The following TSKS variants were observed in gnomAD, a reference collection of about 807,000 sequenced individuals.
TSKS encodes the protein testis-specific serine kinase substrate.
A neutral mutation model predicts 68.0 loss-of-function variants in TSKS; 27 were observed. The ratio of observed to expected loss-of-function variants is 0.40; its 90% CI spans 0.29 to 0.55. The LOEUF is 0.55. Among genes scored for constraint, TSKS ranks in the 20% least tolerant of loss-of-function variants. The pLI is 0.53. For missense variants in TSKS, 806 were observed against 776.0 expected (o/e 1.04, Z -0.46); for synonymous variants, 331 against 340.4 (o/e 0.97, Z 0.30).
chr19:49,756,743 C>T (rs901358029), intron 2 of TSKS, among the ~76,000 whole-genome samples: 63 of 152,248 alleles, frequency 4.1e-4, no homozygotes, highest in African/African-American at 1.5e-3. Context: ...ATGAGCTGGA[C>T]TTGGTGACTC....
chr19:49,741,427 C>T (rs1223398709), intron 9 of TSKS, among the ~76,000 whole-genome samples: 1 of 152,164 alleles, frequency 6.6e-6, no homozygotes, highest in Non-Finnish European at 1.5e-5. Context: ...GTGCAATGCC[C>T]CAGGAAGAGC....
At position 49,761,989 on chromosome 19, in the gene TSKS, G is replaced by GT; in HGVS notation, c.399+14dup. On this transcript the variant is annotated intron_variant, in intron 2 of 10. Coordinates refer to ENST00000246801, the MANE Select transcript of TSKS (RefSeq NM_021733.2). ...ACCTCGGTCCTCCCCAGCGGGTGGT[G>GT]TGGAGGGCCCTCACCAGGATTTCCG... 6.2e-7 allele frequency: 1 copy of GT among 1,603,036 alleles called. No homozygotes were observed. Among genetic ancestry groups the GT allele is most frequent in the African/African-American group, 1.3e-5 (1 of 74,842 alleles).
At position 49,763,079 on chromosome 19, in the gene TSKS, C is replaced by G. The variant is rs769681341; in HGVS notation, c.169G>C (p.Gly57Arg). The change falls in exon 1 of 11, where the codon GGG becomes CGG. Residue 57 changes from glycine (G) to arginine (R), a missense_variant and splice_region_variant. Gly to Arg is a moderately radical substitution (Grantham distance 125). Coordinates refer to ENST00000246801, the MANE Select transcript of TSKS (RefSeq NM_021733.2). The surrounding 1 kb of genome is among the most constrained non-coding windows in gnomAD (Gnocchi z 4.5). ...CCTGACAGTGTGCAACAAACCCACC[C>G]GTGGAACGACACGGCCTTCTTTTTC... ...PKKKKAVSFH[G>R]VEPQMSHQPM... The G allele has an allele frequency of 1.9e-6, 3 of 1,611,182 alleles. No homozygotes were observed. The highest frequency in any genetic ancestry group is 1.7e-5 in the Admixed American group (1 of 59,724).
chr19:49,762,627 C>G lies in TSKS; in HGVS notation c.171-395G>C, dbSNP rs142281658. Among the ~76,000 whole-genome samples the G allele has an allele frequency of 7.8e-3, 1,193 of 152,164 alleles. 13 individuals are homozygous for G. Among genetic ancestry groups the G allele is most frequent in the African/African-American group, 0.027 (1,103 of 41,512 alleles). On this transcript the variant is annotated intron_variant, in intron 1 of 10. Transcript: ENST00000246801. ...TATTTTTAGTAGAGATGGCTTTTCA[C>G]CATGTTGGCCAAGCTGGTTTTGAAC...
In TSKS at chr19:49,762,036, C is replaced by A; in HGVS notation, c.367G>T (p.Asp123Tyr). The change falls in exon 2 of 11, where the codon GAT (aspartate) becomes TAT (tyrosine). Residue 123 changes from aspartate (D) to tyrosine (Y), a missense_variant. Transcript: ENST00000246801. ...TCCGTGATGTCTGCGTCATCCGGAT[C>A]CCAGGGTAGGGTAGGGGAGGCAGGG... ...GPPASPTLPW[D>Y]PDDADITEIL... The A allele has an allele frequency of 1.2e-6, 2 of 1,614,018 alleles. No individual in the cohort carries two copies. Among genetic ancestry groups the A allele is most frequent in the Admixed American group, 1.7e-5 (1 of 60,012 alleles).
Position 49,744,220 on chromosome 19 carries a change from AG to A in TSKS, c.1361+10del. The A allele has an allele frequency of 6.2e-7, 1 of 1,607,932 alleles. No homozygotes were observed. Among genetic ancestry groups the A allele is most frequent in the South Asian group, 1.1e-5 (1 of 91,002 alleles). ...CCACAAGGCTCCCAGAGGCAAGCCC[AG>A]CCCCGTTACCTGGCACAGCGGGCAC... On this transcript the variant is annotated intron_variant, in intron 8 of 10. Transcript: ENST00000246801.
chr19:49,746,465 C>T lies in TSKS; in HGVS notation c.992+5G>A. The T allele has an allele frequency of 6.2e-7, 1 of 1,613,818 alleles. No individual in the cohort carries two copies. The highest frequency in any genetic ancestry group is 8.5e-7 in the Non-Finnish European group (1 of 1,179,888). ...TTCGAGGCTCCGCCCCTAGGTCCCG[C>T]CCACCTCAGCTCTTCGATGCCGGTG... On this transcript the variant is annotated splice_donor_5th_base_variant and intron_variant, in intron 6 of 10. Coordinates refer to ENST00000246801, the MANE Select transcript of TSKS (RefSeq NM_021733.2).
intron 2 of TSKS, among the ~76,000 whole-genome samples, chr19:49,758,926 C>T (rs987396324): frequency 1.3e-5 from 2 of 151,512 alleles, no homozygotes; most frequent in African/African-American, 2.4e-5. Flanking sequence ...GGCACGATTT[C>T]GGTTCACTGC....
Position 49,760,014 on chromosome 19 carries a change from G to A in TSKS, c.399+1990C>T, listed in dbSNP as rs890642604. Among the ~76,000 whole-genome samples the A allele has an allele frequency of 1.3e-4, 19 of 151,746 alleles. No homozygotes were observed. The South Asian group carries it at 3.1e-3, about 25-fold the overall frequency. On this transcript the variant is annotated intron_variant, in intron 2 of 10. Coordinates refer to ENST00000246801, the MANE Select transcript of TSKS (RefSeq NM_021733.2). Reference sequence around the variant, plus strand: ...CTAAAAATACAAAAATTAGTCAGGTGTGGTGGCGCTCTTGTAATCCCAGCT... The same window carrying A: ...CTAAAAATACAAAAATTAGTCAGGTATGGTGGCGCTCTTGTAATCCCAGCT...
intron 2 of TSKS, among the ~76,000 whole-genome samples, chr19:49,752,707 A>G (rs1477931550): frequency 6.6e-6 from 1 of 152,228 alleles, no homozygotes; most frequent in African/African-American, 2.4e-5. Context: ...TAAACAATAA[A>G]AAGCAAAAAA....
At position 49,739,966 on chromosome 19, in the gene TSKS, T is replaced by G. The variant is rs760524948; in HGVS notation, c.1623-34A>C. 2.5e-6 allele frequency: 4 copies of G among 1,608,120 alleles called. No individual in the cohort carries two copies. In the South Asian group the frequency reaches 4.4e-5, roughly 18 times the overall value. ...AGGCAGCGGGGAGTTGATGGCGGCA[T>G]GGCTAGGTGCTGGGGTGTTGGAGTG... is the stretch of plus-strand genomic sequence containing the variant. On this transcript the variant is annotated intron_variant, in intron 10 of 10. Transcript: ENST00000246801.
intron 2 of TSKS, among the ~76,000 whole-genome samples, chr19:49,760,406 C>T (rs147094319): frequency 0.016 from 2,480 of 151,802 alleles, 85 homozygotes; most frequent in African/African-American, 0.056. Flanking sequence ...CTGCAACCTC[C>T]GCCTCCCGGG....
rs1439231116 is a variant in TSKS at position 49,745,405 on chromosome 19, G to A, written c.993-9C>T. 1 of 1,531,388 alleles carries A rather than the reference G, an allele frequency of 6.5e-7. No homozygotes were observed. Among genetic ancestry groups the A allele is most frequent in the East Asian group, 2.4e-5 (1 of 41,826 alleles). 94.9% of individuals were successfully genotyped at this position (1,531,388 alleles called of 1,614,324 possible). ...GTGAGGACACCTCTCTCCTGGAGGG[G>A]CAGAGGAGGGGAATGGGTAGGGGCT... On this transcript the variant is annotated splice_polypyrimidine_tract_variant and intron_variant, in intron 6 of 10. Coordinates refer to ENST00000246801, the MANE Select transcript of TSKS (RefSeq NM_021733.2).
intron 2 of TSKS, among the ~76,000 whole-genome samples, chr19:49,748,862 T>A (rs761028020): frequency 5.3e-5 from 8 of 151,068 alleles, no homozygotes; most frequent in Non-Finnish European, 1.2e-4. Flanking sequence ...AGGTCAGGAG[T>A]TCAAGACCAA....
chr19:49,746,992 C>T (rs908833722), intron 5 of TSKS, among the ~76,000 whole-genome samples, 194 bp from the exon 6 acceptor site: 1 of 152,246 alleles, frequency 6.6e-6, no homozygotes, highest in African/African-American at 2.4e-5. Flanking sequence ...CCAATTCCCG[C>T]TAACCTCCCA....
At position 49,763,273 on chromosome 19, in the gene TSKS, G is replaced by A. The variant is rs2084459974; in HGVS notation, c.-26C>T. 2 of 1,473,998 alleles carry A rather than the reference G, an allele frequency of 1.4e-6. No individual in the cohort carries two copies. The highest frequency in any genetic ancestry group is 1.8e-6 in the Non-Finnish European group (2 of 1,116,178). 91.3% of individuals were successfully genotyped at this position (1,473,998 alleles called of 1,614,324 possible). A position where few individuals can be genotyped will look rare whatever the true frequency, so the allele number is the denominator to read the frequency against. ...GGTGTGGGGGTCTGGCTCCCAGGGA[G>A]GGGCTCCTTCCTCTGAGACTTCCTA... On this transcript the variant is annotated 5_prime_UTR_variant, in exon 1 of 11. Transcript: ENST00000246801. The surrounding 1 kb of genome is among the most constrained non-coding windows in gnomAD (Gnocchi z 4.5).
chr19:49,743,790 G>A (rs1281837508), intron 8 of TSKS, among the ~76,000 whole-genome samples: 2 of 151,454 alleles, frequency 1.3e-5, no homozygotes, highest in Non-Finnish European at 2.9e-5. Context: ...ATGAGCCACC[G>A]CGCCCAGCCT....
intron 7 of TSKS, 124 bp from the exon 8 acceptor site, chr19:49,744,528 C>T: frequency 3.3e-6 from 3 of 908,588 alleles, no homozygotes; most frequent in Non-Finnish European, 3.4e-6. Context: ...ACCCTGCCCT[C>T]CCCTCTCTGC....
intron 7 of TSKS, 62 bp downstream of exon 7, chr19:49,745,140 G>A (rs1488872876): frequency 2.7e-6 from 4 of 1,455,330 alleles, no homozygotes; most frequent in Non-Finnish European, 3.7e-6. Flanking sequence ...TCAAGACCCC[G>A]CCCTCAGGTT....
Sources: gnomAD v4.1 joint callset for allele counts (sites outside exome capture counted in the v4.1 genomes callset) on GRCh38, gnomAD v4.1.1 for gene constraint, Gnocchi (gnomAD v3.1) non-coding constraint, MANE v1.5 for transcripts, NCBI Gene and HGNC (gene_info 2026-07-23, HGNC 2026-07-21) for gene names.